Variants in CCDC192 observed in about 807,000 individuals in gnomAD.
CCDC192 encodes the protein coiled-coil domain containing 192, also known as coiled-coil domain-containing protein 192.
chr5:127,779,906 G>A (rs914883077), intron 3 of CCDC192, among the ~76,000 whole-genome samples: 6 of 150,630 alleles, frequency 4.0e-5, no homozygotes, highest in African/African-American at 7.3e-5. Flanking sequence ...CCCCTAAGTC[G>A]CCAAAGTCCA....
chr5:127,784,161 A>G (rs1182137389), intron 3 of CCDC192, among the ~76,000 whole-genome samples: 1 of 152,228 alleles, frequency 6.6e-6, no homozygotes, highest in Non-Finnish European at 1.5e-5. Flanking sequence ...GGCACCATTC[A>G]ATTAGAAATC....
chr5:127,887,873 T>G (rs931918714), intron 6 of CCDC192, among the ~76,000 whole-genome samples: 2 of 151,730 alleles, frequency 1.3e-5, no homozygotes, highest in Admixed American at 6.6e-5. Flanking sequence ...CCGACTAATT[T>G]TTTGTATATT....
chr5:127,923,021 G>A (rs1753766165), intron 6 of CCDC192, among the ~76,000 whole-genome samples: 1 of 152,152 alleles, frequency 6.6e-6, no homozygotes, highest in Admixed American at 6.5e-5. Flanking sequence ...GAAGAAGCTG[G>A]CACTGTAAAG....
At chr5:127,712,314 T>A (rs1295486648) in intron 2 of CCDC192, among the ~76,000 whole-genome samples, 2 of 152,180 alleles carry the variant, frequency 1.3e-5, no homozygotes, top group Non-Finnish European at 2.9e-5. Flanking sequence ...TAGAGGGAGT[T>A]CTAATGGGAG....
At chr5:127,866,697 A>T (rs1269235682) in intron 5 of CCDC192, among the ~76,000 whole-genome samples, 1 of 151,980 alleles carries the variant, frequency 6.6e-6, no homozygotes, top group African/African-American at 2.4e-5. Flanking sequence ...CAAAACATTC[A>T]CCTACATACT....
In CCDC192 at chr5:127,838,246, G is replaced by A. The variant is rs77360495; in HGVS notation, c.412-37292G>A. Among the ~76,000 whole-genome samples, 1,250 of 152,242 alleles carry A rather than the reference G, an allele frequency of 8.2e-3. 20 individuals are homozygous for A. Among genetic ancestry groups the A allele is most frequent in the African/African-American group, 0.029 (1,197 of 41,558 alleles). On this transcript the variant is annotated intron_variant, in intron 5 of 6. Transcript: ENST00000514853. ...TAGCACAATGTCACATATAGTTGGC[G>A]TGAGTATTAATAAGGACATAACAAG...
chr5:127,703,313 T>A (rs1580497101), upstream of CCDC192: 2 of 396,590 alleles, frequency 5.0e-6, no homozygotes, highest in East Asian at 7.2e-5. Flanking sequence ...AAGTTAACTG[T>A]CTTTTCCACA....
intron 5 of CCDC192, among the ~76,000 whole-genome samples, chr5:127,845,203 C>CCATGTCAG (rs1339904901): frequency 6.6e-6 from 1 of 152,164 alleles, no homozygotes; most frequent in Middle Eastern, 3.2e-3. Context: ...GTTCTTGCCT[C>CCATGTCAG]CATGTCAGTC....
chr5:127,846,819 C>CAAAAAAAAAA (rs551016691), intron 5 of CCDC192, among the ~76,000 whole-genome samples: 2 of 63,676 alleles, frequency 3.1e-5, no homozygotes, highest in Non-Finnish European at 5.8e-5. Flanking sequence ...GTCAATAAAG[C>CAAAAAAAAAA]AAAAAAAAAA....
chr5:127,864,889 T>C (rs1751536721), intron 5 of CCDC192, among the ~76,000 whole-genome samples: 1 of 152,218 alleles, frequency 6.6e-6, no homozygotes, highest in African/African-American at 2.4e-5. Context: ...GGTTCACGCC[T>C]GTAACCCCAG....
intron 5 of CCDC192, among the ~76,000 whole-genome samples, chr5:127,824,619 T>A (rs1749439132): frequency 6.6e-6 from 1 of 152,156 alleles, no homozygotes; most frequent in Non-Finnish European, 1.5e-5. Context: ...CTGGGAAGAT[T>A]TTGGATATCA....
intron 3 of CCDC192, among the ~76,000 whole-genome samples, chr5:127,756,279 AAG>A (rs1754588769): frequency 6.6e-6 from 1 of 152,218 alleles, no homozygotes; most frequent in South Asian, 2.1e-4. Context: ...ACAACGGAGA[AAG>A]AGTAAATCAC....
At chr5:127,907,240 A>T (rs910610993) in intron 6 of CCDC192, among the ~76,000 whole-genome samples, 4 of 152,236 alleles carry the variant, frequency 2.6e-5, no homozygotes, top group African/African-American at 9.6e-5. Flanking sequence ...TACAGAGACT[A>T]AACAAATAAA....
intron 5 of CCDC192, among the ~76,000 whole-genome samples, chr5:127,838,245 C>T (rs114946339): frequency 4.3e-4 from 66 of 152,078 alleles, no homozygotes; most frequent in Non-Finnish European, 8.8e-4. Context: ...ATATAGTTGG[C>T]GTGAGTATTA....
At position 127,925,631 on chromosome 5, in the gene CCDC192, A is replaced by T. The variant is rs564994017; in HGVS notation, c.536-15551A>T. 1.1e-4 allele frequency among the ~76,000 whole-genome samples: 16 copies of T among 152,284 alleles called. 1 individual carries two copies. In the South Asian group the frequency reaches 2.9e-3, roughly 28 times the overall value. On this transcript the variant is annotated intron_variant, in intron 6 of 6. Coordinates refer to ENST00000514853, the MANE Select transcript of CCDC192 (RefSeq NM_001317938.2). ...GTTGATAAAAATAAAGTTAGATATG[A>T]TTGTTCATCTTGGAGAAGATTGATA...
chr5:127,903,788 A>G (rs922691571), intron 6 of CCDC192, among the ~76,000 whole-genome samples: 2 of 152,242 alleles, frequency 1.3e-5, no homozygotes, highest in African/African-American at 4.8e-5. Context: ...AATTTTTAAA[A>G]AGAAATAAAA....
At position 127,907,312 on chromosome 5, in the gene CCDC192, G is replaced by T. The variant is rs576503766; in HGVS notation, c.535+31651G>T. On this transcript the variant is annotated intron_variant, in intron 6 of 6. Transcript: ENST00000514853. ...TAGGGGTATTTTTTTCAAATTTTAT[G>T]TTTTAAAACAAACTGAAATGTTTTA... Among the ~76,000 whole-genome samples, 21 of 151,962 alleles carry T rather than the reference G, an allele frequency of 1.4e-4. No individual in the cohort carries two copies. The East Asian group carries it at 4.1e-3, about 29-fold the overall frequency.
At chr5:127,848,024 C>T (rs763518366) in intron 5 of CCDC192, among the ~76,000 whole-genome samples, 3 of 151,896 alleles carry the variant, frequency 2.0e-5, no homozygotes, top group Non-Finnish European at 4.4e-5. Flanking sequence ...CTTCAAACTC[C>T]TGACCTCAAG....
intron 6 of CCDC192, among the ~76,000 whole-genome samples, chr5:127,878,992 A>G (rs1488888140): frequency 1.4e-5 from 2 of 148,098 alleles, no homozygotes; most frequent in Admixed American, 6.8e-5. Flanking sequence ...TTCACTCATG[A>G]TTTGGCTCTC....
Sources: gnomAD v4.1 joint callset for allele counts (sites outside exome capture counted in the v4.1 genomes callset) on GRCh38, gnomAD v4.1.1 for gene constraint, MANE v1.5 for transcripts, NCBI Gene and HGNC (gene_info 2026-07-23, HGNC 2026-07-21) for gene names.